REV3L: variants seen among roughly 807,000 people sequenced by gnomAD.
The protein encoded by REV3L is DNA polymerase zeta catalytic subunit.
In REV3L, 69 loss-of-function variants were observed where a neutral mutation model predicts 299.4. The ratio of observed to expected loss-of-function variants is 0.23; its 90% CI spans 0.19 to 0.28. The LOEUF is 0.28. Ranked by LOEUF, REV3L falls within the 10% of genes least tolerant of loss-of-function variation. The probability of loss-of-function intolerance (pLI) is 1.00; values close to 1 mark genes in which losing one functional copy is unlikely to be tolerated. For missense variants in REV3L, 3,128 were observed against 3,693.8 expected, an observed-to-expected ratio of 0.85 and a Z score of 3.97; for synonymous variants, 1,238 against 1,271.4, an observed-to-expected ratio of 0.97 and a Z score of 0.56.
chr6:111,469,153 C>A (rs1295262875), intron 1 of REV3L, among the ~76,000 whole-genome samples: 1 of 152,118 alleles, frequency 6.6e-6, no homozygotes, highest in Non-Finnish European at 1.5e-5. Flanking sequence ...CAGAGCGAGA[C>A]TGTTTCAAAC....
chr6:111,465,018 C>T (rs1791266701), intron 1 of REV3L, among the ~76,000 whole-genome samples: 1 of 151,118 alleles, frequency 6.6e-6, no homozygotes, highest in Middle Eastern at 3.2e-3. Flanking sequence ...AAGGAAAACA[C>T]ATAAAACGGT....
intron 1 of REV3L, among the ~76,000 whole-genome samples, chr6:111,480,962 AT>A (rs1323525776): frequency 1.3e-5 from 2 of 150,602 alleles, no homozygotes; most frequent in East Asian, 2.0e-4. Context: ...AATATTCTTT[AT>A]TTTTTAAGGA....
chr6:111,446,263 A>AATATG (rs1788818291), intron 1 of REV3L, among the ~76,000 whole-genome samples: 1 of 152,212 alleles, frequency 6.6e-6, no homozygotes, highest in South Asian at 2.1e-4. Context: ...CTCCATAATC[A>AATATG]ATATGATTCT....
At chr6:111,420,588 C>T (rs1582919798) in intron 1 of REV3L, among the ~76,000 whole-genome samples, 2 of 152,192 alleles carry the variant, frequency 1.3e-5, no homozygotes, top group East Asian at 3.9e-4. Flanking sequence ...ATAAGATCGT[C>T]TGTGGCTGAA....
At chr6:111,359,490 C>T (rs529274755) in intron 16 of REV3L, among the ~76,000 whole-genome samples, 275 of 127,502 alleles carry the variant, frequency 2.2e-3, no homozygotes, top group African/African-American at 7.7e-3. Context: ...TTTGCATACA[C>T]TAGGCAGATT....
chr6:111,462,773 T>C (rs1457541310), intron 1 of REV3L, among the ~76,000 whole-genome samples: 1 of 152,198 alleles, frequency 6.6e-6, no homozygotes, highest in Admixed American at 6.5e-5. Flanking sequence ...CTCATATTTA[T>C]AATTTAAAAT....
At chr6:111,339,707 T>C (rs1305095138) in intron 21 of REV3L, among the ~76,000 whole-genome samples, 1 of 152,152 alleles carries the variant, frequency 6.6e-6, no homozygotes, top group Non-Finnish European at 1.5e-5. Flanking sequence ...AAAAATACTT[T>C]GAATGGCTAA....
chr6:111,467,642 C>T (rs1271731350), intron 1 of REV3L, among the ~76,000 whole-genome samples: 3 of 152,164 alleles, frequency 2.0e-5, no homozygotes, highest in Admixed American at 6.5e-5. Flanking sequence ...TTAAATAATA[C>T]AGTATCACAA....
chr6:111,380,550 C>T (rs942349619), intron 10 of REV3L, among the ~76,000 whole-genome samples: 5 of 152,166 alleles, frequency 3.3e-5, no homozygotes, highest in African/African-American at 7.2e-5. Flanking sequence ...TGAGCCACCA[C>T]GCCCGGCCTG....
intron 1 of REV3L, among the ~76,000 whole-genome samples, chr6:111,470,629 A>T (rs1184216805): frequency 1.3e-5 from 2 of 152,218 alleles, no homozygotes; most frequent in Admixed American, 1.3e-4. Context: ...TTATCAACTA[A>T]GGTGTGAGAC....
At position 111,376,122 on chromosome 6, in the gene REV3L, C is replaced by T. The variant is rs1780278754; in HGVS notation, c.2233G>A (p.Glu745Lys). Residue 745 changes from glutamate to lysine, a missense_variant, in exon 13 of 32, where the codon GAA becomes AAA. By Grantham distance (56) the Glu-to-Lys change is moderately conservative. Coordinates refer to ENST00000368802, the MANE Select transcript of REV3L (RefSeq NM_001372078.1). ...TTCTCCCCTGAGCATGACAGTAATTCACAATTTTCAGTAAATGATGAAGGG... is the reference window on the plus strand; with the variant it reads ...TTCTCCCCTGAGCATGACAGTAATTTACAATTTTCAGTAAATGATGAAGGG... ...LFPSSFTENC[E>K]LLSCSGENRT... The T allele has an allele frequency of 6.2e-7, 1 of 1,613,150 alleles. No individual in the cohort carries two copies. Among genetic ancestry groups the T allele is most frequent in the East Asian group, 2.2e-5 (1 of 44,868 alleles).
Position 111,389,224 on chromosome 6 carries a change from A to T in REV3L, c.758-14T>A. On this transcript the variant is annotated splice_polypyrimidine_tract_variant and intron_variant, in intron 6 of 31. Coordinates refer to ENST00000368802, the MANE Select transcript of REV3L (RefSeq NM_001372078.1). The stretch of plus-strand genomic sequence containing the variant: ...CACCAATTTGAGCTGTAATCACAAT[A>T]ATACTTCAATACTACAGGGTCAAAG... 1.3e-6 allele frequency: 2 copies of T among 1,556,826 alleles called. No homozygotes were observed. Among genetic ancestry groups the T allele is most frequent in the Non-Finnish European group, 1.8e-6 (2 of 1,129,938 alleles).
chr6:111,347,231 TGCAC>T, intron 20 of REV3L, among the ~76,000 whole-genome samples: 1 of 151,936 alleles, frequency 6.6e-6, no homozygotes, highest in Non-Finnish European at 1.5e-5. Context: ...ACTGCACCAC[TGCAC>T]TCCATTCTGG....
At chr6:111,471,793 C>A (rs1444947200) in intron 1 of REV3L, among the ~76,000 whole-genome samples, 1 of 152,074 alleles carries the variant, frequency 6.6e-6, no homozygotes, top group Non-Finnish European at 1.5e-5. Context: ...ACACAATATC[C>A]ATTGTAACAG....
At chr6:111,335,227 T>A (rs1775787200) in intron 22 of REV3L, among the ~76,000 whole-genome samples, 1 of 152,080 alleles carries the variant, frequency 6.6e-6, no homozygotes, top group Admixed American at 6.6e-5. Context: ...TTAATCACAG[T>A]AACAATATTC....
At chr6:111,483,252 T>G (rs1162556467), upstream of REV3L, 65 of 216,808 alleles carry the variant, frequency 3.0e-4, no homozygotes, top group East Asian at 5.0e-4. Context: ...GAGAGGGGGG[T>G]GTGTGTGGCG....
intron 4 of REV3L, among the ~76,000 whole-genome samples, chr6:111,400,576 G>A (rs1399655559): frequency 6.6e-6 from 1 of 151,930 alleles, no homozygotes; most frequent in Non-Finnish European, 1.5e-5. Context: ...CTTTCTTATT[G>A]TTGATTTTTA....
intron 1 of REV3L, chr6:111,472,122 G>T (rs760092183): frequency 4.1e-4 from 517 of 1,275,864 alleles, no homozygotes; most frequent in Non-Finnish European, 4.9e-4. Flanking sequence ...CTTTTATGTG[G>T]CTTGTCTTGG....
rs185273221 is a variant in REV3L at position 111,334,996 on chromosome 6, C to T, written c.7680+473G>A. On this transcript the variant is annotated intron_variant, in intron 22 of 31. Transcript: ENST00000368802. ...AGCAAGGCGTTTAGTAAAAATCTCT[C>T]ATTATATCCTTGGGAAATTACTTAG... is the stretch of plus-strand genomic sequence containing the variant. 4.5e-4 allele frequency among the ~76,000 whole-genome samples: 68 copies of T among 152,218 alleles called. 1 individual carries two copies. The highest frequency in any genetic ancestry group is 3.4e-3 in the Middle Eastern group (1 of 294).
Sources: gnomAD v4.1 joint callset for allele counts (sites outside exome capture counted in the v4.1 genomes callset) on GRCh38, gnomAD v4.1.1 for gene constraint, MANE v1.5 for transcripts, NCBI Gene and HGNC (gene_info 2026-07-23, HGNC 2026-07-21) for gene names.